The following TMEM181 variants were observed in gnomAD, a reference collection of about 807,000 sequenced individuals.
TMEM181 encodes transmembrane protein 181, also known as G protein-coupled receptor 178.
TMEM181 carries 39 observed loss-of-function variants against 71.9 expected under a neutral mutation model. The observed-to-expected ratio is 0.54, with a 90% CI of 0.42 to 0.71. TMEM181 has a LOEUF of 0.71. Among genes scored for constraint, TMEM181 ranks in the 30% least tolerant of loss-of-function variants. The pLI, the probability that TMEM181 is intolerant of heterozygous loss-of-function variation, is 0.00. For missense variants in TMEM181, 595 were observed against 583.0 expected (o/e 1.02, Z -0.21); for synonymous variants, 245 against 228.8 (o/e 1.07, Z -0.64).
rs77056493 is a variant in TMEM181, at chr6:158,626,125, C to T, written c.1109+371C>T. 1.8e-3 allele frequency among the ~76,000 whole-genome samples: 273 copies of T among 152,338 alleles called. 6 individuals carry two copies. In the East Asian group the frequency reaches 0.047, roughly 26 times the overall value. Reference sequence around the variant, plus strand: ...CAGGACTCTAAGCGAGTTAGGACAGCAAACACCCTTGAGCAGCATGCTCCA... The same window carrying T: ...CAGGACTCTAAGCGAGTTAGGACAGTAAACACCCTTGAGCAGCATGCTCCA... On this transcript the variant is annotated intron_variant, in intron 13 of 16. Coordinates refer to ENST00000684151, the MANE Select transcript of TMEM181 (RefSeq NM_001376852.1).
rs1750686759 is a variant in TMEM181, at chr6:158,605,401, G to C, written c.573+54G>C. On this transcript the variant is annotated intron_variant, in intron 7 of 16. Coordinates refer to ENST00000684151, the MANE Select transcript of TMEM181 (RefSeq NM_001376852.1). Reference sequence around the variant, plus strand: ...GCAGATCCCAGCCAGGAAGAAGCTGGTTTATGCAGTTAGGATCTTCGGTGC... The same window carrying C: ...GCAGATCCCAGCCAGGAAGAAGCTGCTTTATGCAGTTAGGATCTTCGGTGC... 26 of 1,533,880 alleles carry C rather than the reference G, an allele frequency of 1.7e-5. 1 individual carries two copies. The South Asian group carries it at 2.8e-4, about 16-fold the overall frequency.
At chr6:158,610,892 G>A (rs1785264525) in intron 10 of TMEM181, 1 of 399,456 alleles carries the variant, frequency 2.5e-6, no homozygotes, top group South Asian at 2.3e-5. Flanking sequence ...TAGTAGTGAA[G>A]GAAGAAGGCT....
intron 4 of TMEM181, 127 bp downstream of exon 4, chr6:158,584,171 T>G: frequency 5.3e-6 from 4 of 750,728 alleles, no homozygotes; most frequent in Admixed American, 3.3e-5. Context: ...TCCATTATTA[T>G]TTATCATAGC....
intron 1 of TMEM181, among the ~76,000 whole-genome samples, chr6:158,544,240 A>G (rs1042054671): frequency 4.3e-5 from 6 of 140,772 alleles, no homozygotes; most frequent in Non-Finnish European, 9.3e-5. Context: ...AGAGTATGCA[A>G]TGAAGGCAGA....
chr6:158,617,469 C>CT (rs150629201), intron 10 of TMEM181, among the ~76,000 whole-genome samples: 41,013 of 151,910 alleles, frequency 0.27, 6,388 homozygotes, highest in East Asian at 0.66. Flanking sequence ...TTTTGTGTCT[C>CT]TATCTCCTTC....
chr6:158,617,871 A>T (rs960821133), intron 10 of TMEM181, among the ~76,000 whole-genome samples: 1 of 152,134 alleles, frequency 6.6e-6, no homozygotes, highest in Admixed American at 6.5e-5. Context: ...GTTCTTTTAC[A>T]TTTGCTGAGG....
At chr6:158,626,065 C>G (rs1235698408) in intron 13 of TMEM181, among the ~76,000 whole-genome samples, 1 of 152,218 alleles carries the variant, frequency 6.6e-6, no homozygotes, top group Non-Finnish European at 1.5e-5. Context: ...AGTAAGGGCA[C>G]TGGGGACCTC....
At chr6:158,630,152 A>C (rs184465937) in intron 15 of TMEM181, among the ~76,000 whole-genome samples, 1 of 152,298 alleles carries the variant, frequency 6.6e-6, no homozygotes, top group Non-Finnish European at 1.5e-5. Flanking sequence ...GAATACCCAA[A>C]CAACCATTCT....
At chr6:158,539,775 A>C (rs1366593369) in intron 1 of TMEM181, among the ~76,000 whole-genome samples, 1 of 152,208 alleles carries the variant, frequency 6.6e-6, no homozygotes, top group African/African-American at 2.4e-5. Flanking sequence ...AAGGTGGTAA[A>C]ACAATAGGCC....
intron 2 of TMEM181, among the ~76,000 whole-genome samples, chr6:158,578,038 TGA>T (rs1783260199): frequency 6.6e-6 from 1 of 151,950 alleles, no homozygotes; most frequent in Non-Finnish European, 1.5e-5. Flanking sequence ...TGTGGTGAGC[TGA>T]GATCGCGCCA....
intron 6 of TMEM181, among the ~76,000 whole-genome samples, chr6:158,599,006 A>G (rs1038860088): frequency 1.5e-4 from 23 of 152,116 alleles, no homozygotes; most frequent in Non-Finnish European, 3.2e-4. Flanking sequence ...GTGAATCTGA[A>G]GCTGGGCCTC....
chr6:158,617,697 C>T (rs994340313), intron 10 of TMEM181, among the ~76,000 whole-genome samples: 2 of 152,174 alleles, frequency 1.3e-5, no homozygotes, highest in African/African-American at 2.4e-5. Context: ...TCATTGGTTT[C>T]AAAGAACATC....
At chr6:158,624,690 C>T (rs16900884) in intron 11 of TMEM181, among the ~76,000 whole-genome samples, 5,671 of 152,332 alleles carry the variant, frequency 0.037, 233 homozygotes, top group East Asian at 0.097. Flanking sequence ...GTTAAGACGG[C>T]GCGTGGATTC....
chr6:158,594,578 T>C (rs1029971081), intron 6 of TMEM181, among the ~76,000 whole-genome samples: 1 of 152,266 alleles, frequency 6.6e-6, no homozygotes, highest in Non-Finnish European at 1.5e-5. Context: ...TGTTTGTCCA[T>C]TGGCTGAAGG....
Position 158,620,814 on chromosome 6 carries a change from G to A in TMEM181, c.897-2736G>A, listed in dbSNP as rs962521351. Among the ~76,000 whole-genome samples, 6 of 151,918 alleles carry A rather than the reference G, an allele frequency of 3.9e-5. No homozygotes were observed. The highest frequency in any genetic ancestry group is 2.1e-4 in the South Asian group (1 of 4,806). On this transcript the variant is annotated intron_variant, in intron 10 of 16. Coordinates refer to ENST00000684151, the MANE Select transcript of TMEM181 (RefSeq NM_001376852.1). The surrounding 1 kb of genome is among the most constrained non-coding windows in gnomAD (Gnocchi z 4.5). The stretch of plus-strand genomic sequence containing the variant: ...AGCCTCTGTCCCCAACATCTGTCCC[G>A]GGTTTCAGCACCAAATGTAAGTGTT...
chr6:158,556,151 G>A (rs1318523349), upstream of TMEM181, among the ~76,000 whole-genome samples: 1 of 152,168 alleles, frequency 6.6e-6, no homozygotes, highest in Non-Finnish European at 1.5e-5. Context: ...ATCCCAGTAG[G>A]GATGTAAGGC....
intron 1 of TMEM181, among the ~76,000 whole-genome samples, chr6:158,550,602 G>A (rs1375481441): frequency 6.6e-6 from 1 of 151,876 alleles, no homozygotes; most frequent in Non-Finnish European, 1.5e-5. Context: ...GTTGCAATGA[G>A]CCGAGATGGC....
chr6:158,559,133 C>T (rs1782015564), upstream of TMEM181, among the ~76,000 whole-genome samples: 1 of 151,860 alleles, frequency 6.6e-6, no homozygotes, highest in Non-Finnish European at 1.5e-5. Context: ...TTCCTAATAT[C>T]CACCTCACCC....
At chr6:158,578,987 G>A (rs1211091007) in intron 2 of TMEM181, among the ~76,000 whole-genome samples, 2 of 151,986 alleles carry the variant, frequency 1.3e-5, no homozygotes, top group Non-Finnish European at 2.9e-5. Context: ...GGCCGGGCAT[G>A]GTGGCTCATG....
Sources: allele counts gnomAD v4.1 joint callset (sites outside exome capture counted in the v4.1 genomes callset), GRCh38; gene constraint gnomAD v4.1.1; non-coding constraint Gnocchi (gnomAD v3.1); transcripts MANE v1.5; gene names NCBI Gene and HGNC (gene_info 2026-07-23, HGNC 2026-07-21).